Variants in CKLF observed in about 807,000 individuals in gnomAD.
CKLF encodes the protein chemokine-like factor.
A neutral mutation model predicts 12.9 loss-of-function variants in CKLF; 16 were observed. The ratio of observed to expected loss-of-function variants is 1.24; its 90% CI spans 0.84 to 1.88. CKLF has a LOEUF of 1.88. Ranked by LOEUF, CKLF falls within the 40% of genes most tolerant of loss-of-function variation. The pLI is 0.00. For synonymous variants in CKLF, 61 were observed against 69.0 expected, an observed-to-expected ratio of 0.88 and a Z score of 0.57; for missense variants, 172 against 188.5, an observed-to-expected ratio of 0.91 and a Z score of 0.51.
chr16:66,559,309 A>G (rs907824275), intron 2 of CKLF, among the ~76,000 whole-genome samples: 12 of 152,236 alleles, frequency 7.9e-5, no homozygotes, highest in African/African-American at 2.9e-4. Context: ...AGTGGCAAGC[A>G]TTTCAGGCAA....
chr16:66,564,882 AG>A (rs1213283209), intron 3 of CKLF, among the ~76,000 whole-genome samples: 1 of 152,206 alleles, frequency 6.6e-6, no homozygotes, highest in Non-Finnish European at 1.5e-5. Context: ...CTAGAGTGTG[AG>A]CCCCGTCCTC....
At chr16:66,564,402 A>G (rs933663705) in intron 3 of CKLF, among the ~76,000 whole-genome samples, 2 of 152,238 alleles carry the variant, frequency 1.3e-5, no homozygotes, top group Non-Finnish European at 2.9e-5. Flanking sequence ...TTTGTTGATT[A>G]CATGTTAAAT....
chr16:66,561,942 T>G (rs901775721), intron 2 of CKLF, among the ~76,000 whole-genome samples: 3 of 152,214 alleles, frequency 2.0e-5, no homozygotes, highest in Admixed American at 6.5e-5. Context: ...TGAAACTGAT[T>G]TTTACTTTGT....
chr16:66,553,858 C>T (rs1452830254), intron 1 of CKLF, among the ~76,000 whole-genome samples: 1 of 152,088 alleles, frequency 6.6e-6, no homozygotes, highest in Non-Finnish European at 1.5e-5. Context: ...GAACAAAGTG[C>T]ATATAAGATC....
chr16:66,558,151 C>A, intron 1 of CKLF, 39 bp from the exon 2 acceptor site: 1 of 1,596,000 alleles, frequency 6.3e-7, no homozygotes, highest in South Asian at 1.2e-5. Flanking sequence ...AATTTGTATT[C>A]AGTTGTCACT....
intron 1 of CKLF, among the ~76,000 whole-genome samples, chr16:66,556,213 A>C (rs1207368805): frequency 2.0e-5 from 3 of 152,134 alleles, no homozygotes; most frequent in African/African-American, 7.2e-5. Context: ...GAGCCAAAAG[A>C]AAACACTAGT....
At position 66,563,074 on chromosome 16, in the gene CKLF, T is replaced by C. The variant is rs771620648; in HGVS notation, c.238-48T>C. 1.9e-6 allele frequency: 3 copies of C among 1,606,958 alleles called. No homozygotes were observed. The African/African-American group carries it at 4.0e-5, about 22-fold the overall frequency. ...TGTTTTTTGTTTTTCCTTTTTAGCA[T>C]TGCTTGGTAGTCTTCATGTAAGGCT... On this transcript the variant is annotated intron_variant, in intron 2 of 3. Transcript: ENST00000264001.
intron 1 of CKLF, among the ~76,000 whole-genome samples, chr16:66,556,605 CT>C (rs2011461676): frequency 6.6e-6 from 1 of 152,096 alleles, no homozygotes; most frequent in African/African-American, 2.4e-5. Context: ...AAAAGTGGCC[CT>C]TCATTTCATA....
chr16:66,563,009 T>C (rs1328403957), intron 2 of CKLF, 113 bp from the exon 3 acceptor site: 14 of 1,222,654 alleles, frequency 1.1e-5, no homozygotes, highest in Non-Finnish European at 1.5e-5. Context: ...AGCCAGTGCA[T>C]TCTGCCTGCT....
At chr16:66,557,675 A>T (rs994176438) in intron 1 of CKLF, among the ~76,000 whole-genome samples, 10 of 152,206 alleles carry the variant, frequency 6.6e-5, no homozygotes, top group Non-Finnish European at 1.5e-4. Context: ...GGATAAAAGG[A>T]AGGAGTATGT....
At chr16:66,559,300 GT>G (rs2011578313) in intron 2 of CKLF, among the ~76,000 whole-genome samples, 3 of 152,230 alleles carry the variant, frequency 2.0e-5, no homozygotes, top group Non-Finnish European at 2.9e-5. Flanking sequence ...TTCAAGGCCA[GT>G]GGCAAGCATT....
At chr16:66,557,169 T>C (rs532460708) in intron 1 of CKLF, among the ~76,000 whole-genome samples, 5 of 151,950 alleles carry the variant, frequency 3.3e-5, no homozygotes, top group African/African-American at 4.8e-5. Flanking sequence ...TCTCTGACAA[T>C]TTTTTTTGTT....
intron 1 of CKLF, among the ~76,000 whole-genome samples, chr16:66,554,198 A>G (rs1567548393): frequency 6.6e-6 from 1 of 152,248 alleles, no homozygotes; most frequent in Non-Finnish European, 1.5e-5. Flanking sequence ...ACGAACCAGG[A>G]CAAAAATCCC....
chr16:66,561,205 T>C (rs1307807779), intron 2 of CKLF, among the ~76,000 whole-genome samples: 1 of 151,970 alleles, frequency 6.6e-6, no homozygotes, highest in Non-Finnish European at 1.5e-5. Context: ...CCATTCAAAT[T>C]GTCCCAAAGT....
chr16:66,555,481 G>A (rs1376806686), intron 1 of CKLF, among the ~76,000 whole-genome samples: 1 of 152,182 alleles, frequency 6.6e-6, no homozygotes, highest in African/African-American at 2.4e-5. Context: ...AAAAAGAGGA[G>A]TCCAAGACAG....
chr16:66,563,042 G>T (rs1001839944), intron 2 of CKLF, 80 bp from the exon 3 acceptor site: 15 of 1,545,498 alleles, frequency 9.7e-6, no homozygotes, highest in African/African-American at 1.4e-5. Flanking sequence ...TGTTGTTGTT[G>T]TTTTTTTGTT....
At chr16:66,560,625 A>G (rs1174874374) in intron 2 of CKLF, among the ~76,000 whole-genome samples, 1 of 152,172 alleles carries the variant, frequency 6.6e-6, no homozygotes, top group East Asian at 1.9e-4. Flanking sequence ...ACTGGCCACA[A>G]TAGCTCAGAG....
Position 66,552,837 on chromosome 16 carries a change from G to C in CKLF, c.78+44G>C, listed in dbSNP as rs371126244. 3.1e-5 allele frequency: 50 copies of C among 1,613,584 alleles called. No individual in the cohort carries two copies. In the African/African-American group the frequency reaches 3.5e-4, roughly 11 times the overall value. ...GGGCGGGAGGCTGATGAAGCTGCTG[G>C]GGGGCGGGAGATGTGGGTGTGAAGT... On this transcript the variant is annotated intron_variant, in intron 1 of 3. Coordinates refer to ENST00000264001, the MANE Select transcript of CKLF (RefSeq NM_016951.4).
chr16:66,559,253 A>G (rs1334380814), intron 2 of CKLF, among the ~76,000 whole-genome samples: 1 of 152,212 alleles, frequency 6.6e-6, no homozygotes, highest in Non-Finnish European at 1.5e-5. Context: ...TTCTTAAACC[A>G]TAAGCATGCC....
Sources: gnomAD v4.1 joint callset for allele counts (sites outside exome capture counted in the v4.1 genomes callset) on GRCh38, gnomAD v4.1.1 for gene constraint, MANE v1.5 for transcripts, NCBI Gene and HGNC (gene_info 2026-07-23, HGNC 2026-07-21) for gene names.